The following FER variants were observed in gnomAD, a reference collection of about 807,000 sequenced individuals.
FER encodes tyrosine-protein kinase Fer.
FER carries 63 observed loss-of-function variants against 111.0 expected under a neutral mutation model. That is an observed-to-expected ratio of 0.57 (90% CI 0.46 to 0.70). FER has a LOEUF of 0.70. Among genes scored for constraint, FER ranks in the 30% least tolerant of loss-of-function variants. The pLI is 0.00. For missense variants in FER, 914 were observed against 954.0 expected, an observed-to-expected ratio of 0.96 and a Z score of 0.55; for synonymous variants, 327 against 313.9, an observed-to-expected ratio of 1.04 and a Z score of -0.44.
intron 3 of FER, among the ~76,000 whole-genome samples, chr5:108,817,506 A>G (rs1458740451): frequency 6.6e-6 from 1 of 152,210 alleles, no homozygotes; most frequent in East Asian, 1.9e-4. Context: ...AAAGCAAACA[A>G]GTAGTTGGAG....
rs115510670 is a variant in FER at position 109,155,476 on chromosome 5, A to C, written c.2049-25271A>C. Among the ~76,000 whole-genome samples the C allele has an allele frequency of 4.6e-3, 695 of 152,102 alleles. 6 individuals carry two copies. Among genetic ancestry groups the C allele is most frequent in the Middle Eastern group, 0.024 (7 of 294 alleles). ...ATTGCATAGAGGTACTTGTAATTCA[A>C]GAGTGACTAGGAAAGTTTAATTGCT... On this transcript the variant is annotated intron_variant, in intron 17 of 19. Coordinates refer to ENST00000281092, the MANE Select transcript of FER (RefSeq NM_005246.4).
intron 1 of FER, among the ~76,000 whole-genome samples, chr5:108,767,451 A>T (rs568148967): frequency 1.1e-4 from 17 of 152,340 alleles, no homozygotes; most frequent in Middle Eastern, 3.4e-3. Context: ...ATAATATTTT[A>T]ACAAGCATAA....
chr5:109,015,231 C>T (rs572938136), intron 13 of FER, among the ~76,000 whole-genome samples: 24 of 152,086 alleles, frequency 1.6e-4, no homozygotes, highest in African/African-American at 4.6e-4. Context: ...ACAGTAGTGT[C>T]GTTCCATTTT....
chr5:109,053,927 G>A (rs1395299935), intron 16 of FER, among the ~76,000 whole-genome samples: 11 of 151,864 alleles, frequency 7.2e-5, no homozygotes, highest in African/African-American at 2.2e-4. Context: ...TCCTGACCTC[G>A]TGATCCGCCC....
chr5:108,868,214 A>G (rs1764262960), intron 6 of FER, among the ~76,000 whole-genome samples: 1 of 152,086 alleles, frequency 6.6e-6, no homozygotes, highest in African/African-American at 2.4e-5. Flanking sequence ...TGAAAAAATT[A>G]TAAGTTGAAA....
intron 17 of FER, among the ~76,000 whole-genome samples, chr5:109,176,350 G>A (rs1757685832): frequency 6.6e-6 from 1 of 152,136 alleles, no homozygotes; most frequent in Non-Finnish European, 1.5e-5. Context: ...TGAGCCTGGA[G>A]TACATTATGT....
intron 17 of FER, among the ~76,000 whole-genome samples, chr5:109,175,411 A>G (rs969436775): frequency 6.6e-6 from 1 of 152,212 alleles, no homozygotes; most frequent in African/African-American, 2.4e-5. Flanking sequence ...GAGCTAATAA[A>G]TGATGTAATA....
Position 109,187,797 on chromosome 5 carries a change from T to C in FER, c.*222T>C. 1.8e-6 allele frequency: 1 copy of C among 547,584 alleles called. No homozygotes were observed. Among genetic ancestry groups the C allele is most frequent in the Non-Finnish European group, 3.2e-6 (1 of 310,556 alleles). 33.9% of individuals were successfully genotyped at this position (547,584 alleles called of 1,614,324 possible). A position where few individuals can be genotyped will look rare whatever the true frequency, so the allele number is the denominator to read the frequency against. On this transcript the variant is annotated 3_prime_UTR_variant, in exon 20 of 20. Coordinates refer to ENST00000281092, the MANE Select transcript of FER (RefSeq NM_005246.4). The stretch of plus-strand genomic sequence containing the variant: ...TACCAAGGGCTTTCTTAGCTAACCA[T>C]AGCAATCCTACCATTTCAGGCCATT...
Position 109,036,812 on chromosome 5 carries a change from A to G in FER, c.1657-610A>G, listed in dbSNP as rs977302706. On this transcript the variant is annotated intron_variant, in intron 13 of 19. Coordinates refer to ENST00000281092, the MANE Select transcript of FER (RefSeq NM_005246.4). ...CCTCTAGTAATCAGTTCTTGAGATC[A>G]GATAATGGGATGCTCTCTTTCAATG... Among the ~76,000 whole-genome samples, 3 of 151,966 alleles carry G rather than the reference A, an allele frequency of 2.0e-5. No individual in the cohort carries two copies. The East Asian group carries it at 5.8e-4, about 29-fold the overall frequency.
intron 5 of FER, among the ~76,000 whole-genome samples, chr5:108,839,690 G>C (rs1009322733): frequency 6.8e-6 from 1 of 147,096 alleles, no homozygotes; most frequent in African/African-American, 2.5e-5. Context: ...CCATTCTCCT[G>C]CCTCAGCCTC....
chr5:109,092,058 A>G (rs1010353347), intron 16 of FER, among the ~76,000 whole-genome samples: 37 of 152,154 alleles, frequency 2.4e-4, no homozygotes, highest in African/African-American at 8.7e-4. Context: ...TCAAGGTACC[A>G]GCTTGGAATC....
chr5:109,187,093 GA>G lies in FER; in HGVS notation c.2327-335del, dbSNP rs535704526. ...AAAATCCTCATCTTCTCTTCATCTT[GA>G]AAAACACAGATGATTTTTTAAAACT... On this transcript the variant is annotated intron_variant, in intron 19 of 19. Coordinates refer to ENST00000281092, the MANE Select transcript of FER (RefSeq NM_005246.4). Among the ~76,000 whole-genome samples, 61 of 152,166 alleles carry G rather than the reference GA, an allele frequency of 4.0e-4. No individual in the cohort carries two copies. In the Middle Eastern group the frequency reaches 0.01, roughly 25 times the overall value.
At chr5:109,044,261 C>G (rs1771620751) in intron 14 of FER, among the ~76,000 whole-genome samples, 1 of 151,562 alleles carries the variant, frequency 6.6e-6, no homozygotes, top group African/African-American at 2.4e-5. Flanking sequence ...TCACTGCAAG[C>G]CCTGCCTCCC....
chr5:109,021,207 A>C (rs1027076467), intron 13 of FER, among the ~76,000 whole-genome samples: 1 of 151,960 alleles, frequency 6.6e-6, no homozygotes, highest in Non-Finnish European at 1.5e-5. Flanking sequence ...TAATTAATAA[A>C]TTTAGATTTT....
intron 13 of FER, among the ~76,000 whole-genome samples, chr5:109,012,525 A>G (rs947187185): frequency 2.0e-5 from 3 of 152,238 alleles, no homozygotes; most frequent in Non-Finnish European, 4.4e-5. Context: ...GTTTCAAAGT[A>G]AAAGCTTTTA....
intron 2 of FER, among the ~76,000 whole-genome samples, chr5:108,788,240 C>T (rs751067574): frequency 3.2e-4 from 49 of 152,214 alleles, no homozygotes; most frequent in Non-Finnish European, 5.6e-4. Context: ...ACAGAGCCAG[C>T]GCCTGTGCTG....
intron 5 of FER, among the ~76,000 whole-genome samples, chr5:108,863,027 G>C (rs893016091): frequency 5.9e-5 from 9 of 152,154 alleles, no homozygotes; most frequent in Non-Finnish European, 1.5e-5. Context: ...CCATGTAGGA[G>C]CCTCCTCCTA....
chr5:109,014,064 T>C (rs1438242582), intron 13 of FER, among the ~76,000 whole-genome samples: 1 of 150,916 alleles, frequency 6.6e-6, no homozygotes, highest in Non-Finnish European at 1.5e-5. Flanking sequence ...TTTCTTTTGC[T>C]GTGCAGAAGC....
chr5:109,099,400 T>G (rs1417535021), intron 16 of FER, among the ~76,000 whole-genome samples: 1 of 151,576 alleles, frequency 6.6e-6, no homozygotes, highest in Non-Finnish European at 1.5e-5. Context: ...ATTGATTCAG[T>G]AATTGGAAAA....
Sources: allele counts gnomAD v4.1 joint callset (sites outside exome capture counted in the v4.1 genomes callset), GRCh38; gene constraint gnomAD v4.1.1; transcripts MANE v1.5; gene names NCBI Gene and HGNC (gene_info 2026-07-23, HGNC 2026-07-21).